Variants in GPR149 observed in about 807,000 individuals in gnomAD.
GPR149 encodes the protein probable G protein-coupled receptor 149.
GPR149 carries 50 observed loss-of-function variants against 50.2 expected under a neutral mutation model. That is an observed-to-expected ratio of 1.00 (90% CI 0.79 to 1.26). The LOEUF (loss-of-function observed/expected upper bound fraction) is 1.26. GPR149 is among the 50% of genes most tolerant of loss of function. GPR149 has a pLI of 0.00. For synonymous variants in GPR149, 405 were observed against 358.2 expected, an observed-to-expected ratio of 1.13 and a Z score of -1.48; for missense variants, 983 against 895.4, an observed-to-expected ratio of 1.10 and a Z score of -1.25.
chr3:154,406,458 A>G (rs1180408042), intron 3 of GPR149, among the ~76,000 whole-genome samples: 1 of 152,218 alleles, frequency 6.6e-6, no homozygotes, highest in Non-Finnish European at 1.5e-5. Flanking sequence ...ATACATACAT[A>G]CAAGGTTAGT....
intron 3 of GPR149, among the ~76,000 whole-genome samples, chr3:154,391,603 A>G (rs1202263342): frequency 6.6e-6 from 1 of 151,828 alleles, no homozygotes; most frequent in Non-Finnish European, 1.5e-5. Context: ...AAGGAAGTAC[A>G]TTAATTACTC....
At chr3:154,400,611 C>T (rs548538608) in intron 3 of GPR149, among the ~76,000 whole-genome samples, 1 of 150,624 alleles carries the variant, frequency 6.6e-6, no homozygotes, top group Non-Finnish European at 1.5e-5. Context: ...CCAGAGCCTC[C>T]CCTGATACCA....
intron 3 of GPR149, chr3:154,353,461 C>G: frequency 3.2e-6 from 3 of 933,566 alleles, no homozygotes; most frequent in Non-Finnish European, 5.3e-6. Context: ...GTTTGATCCA[C>G]TTCATCAAGC....
At chr3:154,413,831 A>G (rs574946750) in intron 3 of GPR149, among the ~76,000 whole-genome samples, 9 of 151,832 alleles carry the variant, frequency 5.9e-5, no homozygotes, top group Non-Finnish European at 1.0e-4. Flanking sequence ...AGGAGTCATT[A>G]TATGAAAAAG....
chr3:154,407,360 T>A (rs1229919992), intron 3 of GPR149, among the ~76,000 whole-genome samples: 1 of 151,654 alleles, frequency 6.6e-6, no homozygotes, highest in Non-Finnish European at 1.5e-5. Flanking sequence ...ACCTGTAAGC[T>A]AAAGGTAATA....
intron 2 of GPR149, among the ~76,000 whole-genome samples, chr3:154,425,487 T>C (rs1224498324): frequency 6.6e-6 from 1 of 152,114 alleles, no homozygotes; most frequent in Non-Finnish European, 1.5e-5. Flanking sequence ...GGAAAATTGA[T>C]GGTGGCTTCT....
intron 2 of GPR149, among the ~76,000 whole-genome samples, chr3:154,425,549 C>A (rs1310737397): frequency 6.6e-6 from 1 of 151,978 alleles, no homozygotes; most frequent in Non-Finnish European, 1.5e-5. Context: ...GATATCACAG[C>A]CTGGATCATA....
rs1324378561 is a variant in GPR149, at chr3:154,395,243, A to G, written c.1623+25796T>C. ...GACTTATTCTTAGAATGTGAGCAGC[A>G]AGTTAAGAAGGCAGATTTTGGGAAA... is the stretch of plus-strand genomic sequence containing the variant. On this transcript the variant is annotated intron_variant, in intron 3 of 3. Coordinates refer to ENST00000389740, the MANE Select transcript of GPR149 (RefSeq NM_001038705.3). Among the ~76,000 whole-genome samples, 3 of 152,028 alleles carry G rather than the reference A, an allele frequency of 2.0e-5. No individual in the cohort carries two copies. In the East Asian group the frequency reaches 5.8e-4, roughly 29 times the overall value.
At chr3:154,365,733 C>T (rs762985883) in intron 3 of GPR149, among the ~76,000 whole-genome samples, 82 of 152,180 alleles carry the variant, frequency 5.4e-4, no homozygotes, top group Admixed American at 1.1e-3. Context: ...TCAGGCAGTT[C>T]TTTGCCACTT....
At chr3:154,343,758 C>G (rs956815700) in intron 3 of GPR149, among the ~76,000 whole-genome samples, 2 of 152,078 alleles carry the variant, frequency 1.3e-5, no homozygotes, top group Non-Finnish European at 2.9e-5. Context: ...AGTAGAATCA[C>G]GTGAGCCCAG....
chr3:154,338,108 C>A lies in GPR149; in HGVS notation c.1787G>T (p.Ser596Ile), dbSNP rs772824673. The change falls in exon 4 of 4, where the codon AGT (serine) becomes ATT (isoleucine). Residue 596 changes from serine (S) to isoleucine (I), a missense_variant. Coordinates refer to ENST00000389740, the MANE Select transcript of GPR149 (RefSeq NM_001038705.3). ...SKKIEVYRSK[S>I]VGHEPNSEDS... is the part of the protein sequence containing the mutation. The stretch of plus-strand genomic sequence containing the variant: ...TTCTGAGTTTGGTTCATGGCCAACA[C>A]TTTTGGATCGATAGACTTCTATTTT... 2 of 1,614,142 alleles carry A rather than the reference C, an allele frequency of 1.2e-6. No homozygotes were observed. Among genetic ancestry groups the A allele is most frequent in the Non-Finnish European group, 1.7e-6 (2 of 1,180,022 alleles).
intron 3 of GPR149, chr3:154,354,150 C>A (rs1263822705): frequency 2.4e-5 from 12 of 491,318 alleles, no homozygotes; most frequent in African/African-American, 2.3e-4. Flanking sequence ...TTTTTTTTGG[C>A]CTTGGAAGCA....
At chr3:154,404,651 A>G (rs1013012148) in intron 3 of GPR149, among the ~76,000 whole-genome samples, 4 of 152,212 alleles carry the variant, frequency 2.6e-5, no homozygotes, top group Admixed American at 2.6e-4. Flanking sequence ...GAACATATGG[A>G]CTGTCTCTGG....
intron 3 of GPR149, among the ~76,000 whole-genome samples, chr3:154,363,281 G>C (rs1714457213): frequency 8.0e-6 from 1 of 125,776 alleles, no homozygotes; most frequent in Admixed American, 7.9e-5. Context: ...TCAGAGGGTT[G>C]TCTCAGTACA....
intron 3 of GPR149, among the ~76,000 whole-genome samples, chr3:154,347,577 G>T (rs1047945471): frequency 6.6e-6 from 1 of 152,222 alleles, no homozygotes; most frequent in South Asian, 2.1e-4. Context: ...TATTACATGT[G>T]AAATCTACTA....
In GPR149 at chr3:154,399,188, G is replaced by A. The variant is rs532162317; in HGVS notation, c.1623+21851C>T. On this transcript the variant is annotated intron_variant, in intron 3 of 3. Coordinates refer to ENST00000389740, the MANE Select transcript of GPR149 (RefSeq NM_001038705.3). ...TGGAGGAGGTTGAGAACCACTGGCT[G>A]GATTTATGATATTTTCCTATAGTAA... 4.6e-5 allele frequency among the ~76,000 whole-genome samples: 7 copies of A among 152,000 alleles called. No homozygotes were observed. The South Asian group carries it at 1.5e-3, about 32-fold the overall frequency.
At chr3:154,407,943 A>C (rs1284695602) in intron 3 of GPR149, among the ~76,000 whole-genome samples, 1 of 152,164 alleles carries the variant, frequency 6.6e-6, no homozygotes, top group African/African-American at 2.4e-5. Context: ...AAAATGCTAA[A>C]AAATGATTAT....
intron 3 of GPR149, among the ~76,000 whole-genome samples, chr3:154,417,654 T>C (rs1171616562): frequency 1.3e-5 from 2 of 152,014 alleles, no homozygotes; most frequent in East Asian, 3.9e-4. Context: ...TTTTATAGAG[T>C]AACTGCTGTG....
rs1397181543 is a variant in GPR149, at chr3:154,335,521, T to C, written c.*2178A>G. ...TTTCAAACTAAGACTTTGGGCTAAA[T>C]AATACTGGTGTTGTTTCAATGCAGC... is the stretch of plus-strand genomic sequence containing the variant. On this transcript the variant is annotated 3_prime_UTR_variant, in exon 4 of 4. Transcript: ENST00000389740. The C allele has an allele frequency of 6.6e-6, 1 of 152,152 alleles. No individual in the cohort carries two copies. The highest frequency in any genetic ancestry group is 1.5e-5 in the Non-Finnish European group (1 of 67,986). The allele number at this position is 152,152 out of a possible 1,614,324, so 9.4% of individuals were successfully genotyped here.
Sources: allele counts gnomAD v4.1 joint callset (sites outside exome capture counted in the v4.1 genomes callset), GRCh38; gene constraint gnomAD v4.1.1; transcripts MANE v1.5; gene names NCBI Gene and HGNC (gene_info 2026-07-23, HGNC 2026-07-21).